PTPRN2: variants seen among roughly 807,000 people sequenced by gnomAD.
PTPRN2 encodes the protein protein tyrosine phosphatase receptor type N2.
Under a neutral mutation model 118.8 loss-of-function variants are expected in PTPRN2, and 74 were observed. The observed-to-expected ratio is 0.62, with a 90% CI of 0.52 to 0.76. PTPRN2 has a LOEUF of 0.76. Among genes scored for constraint, PTPRN2 ranks in the 30% least tolerant of loss-of-function variants. The probability of loss-of-function intolerance (pLI) is 0.00; values close to 1 mark genes in which losing one functional copy is unlikely to be tolerated. For missense variants in PTPRN2, 1,481 were observed against 1,394.4 expected (o/e 1.06, Z -0.99); for synonymous variants, 641 against 608.0 (o/e 1.05, Z -0.80).
At chr7:158,037,096 T>C (rs1012086644) in intron 11 of PTPRN2, among the ~76,000 whole-genome samples, 1 of 152,238 alleles carries the variant, frequency 6.6e-6, no homozygotes, top group African/African-American at 2.4e-5. Flanking sequence ...CAACCAATTA[T>C]ATAATATCTT....
chr7:158,089,200 G>T, intron 10 of PTPRN2, among the ~76,000 whole-genome samples: 1 of 26,082 alleles, frequency 3.8e-5, no homozygotes. Context: ...CTGAGGAAAG[G>T]GGGAGTCTTC....
chr7:158,140,209 G>A (rs1585583651), intron 6 of PTPRN2, among the ~76,000 whole-genome samples: 1 of 152,340 alleles, frequency 6.6e-6, no homozygotes, highest in Middle Eastern at 3.4e-3. Flanking sequence ...AGAGGCTAGA[G>A]GGAGCTGAAG....
intron 11 of PTPRN2, among the ~76,000 whole-genome samples, chr7:158,019,811 G>A (rs1037534032): frequency 7.2e-5 from 11 of 152,198 alleles, no homozygotes; most frequent in Non-Finnish European, 1.0e-4. Context: ...CCCTGTGCTC[G>A]GTCTTGAGGC....
intron 19 of PTPRN2, 102 bp downstream of exon 19, chr7:157,576,511 C>CGCG: frequency 8.0e-7 from 1 of 1,249,118 alleles, no homozygotes; most frequent in South Asian, 1.6e-5. Flanking sequence ...CCGACACAGA[C>CGCG]GCGGCCCTCG....
intron 11 of PTPRN2, among the ~76,000 whole-genome samples, chr7:157,912,977 G>A (rs1241434702): frequency 1.3e-5 from 2 of 152,142 alleles, no homozygotes; most frequent in East Asian, 1.9e-4. Context: ...GTTTGTAAAT[G>A]AATAGTTTTT....
intron 3 of PTPRN2, among the ~76,000 whole-genome samples, chr7:158,218,938 G>A (rs1238108851): frequency 6.6e-6 from 1 of 152,118 alleles, no homozygotes; most frequent in Admixed American, 6.5e-5. Context: ...CATAAAACAA[G>A]TTCTTAGAGA....
intron 11 of PTPRN2, among the ~76,000 whole-genome samples, chr7:157,902,815 G>T (rs969908165): frequency 6.6e-6 from 1 of 152,158 alleles, no homozygotes; most frequent in Admixed American, 6.5e-5. Flanking sequence ...CAACGGCACC[G>T]TCTCTGCTCT....
intron 19 of PTPRN2, among the ~76,000 whole-genome samples, chr7:157,571,704 T>C (rs1368058401): frequency 1.3e-5 from 2 of 152,198 alleles, no homozygotes; most frequent in Non-Finnish European, 2.9e-5. Flanking sequence ...AAAACCAATG[T>C]TACACCTCTA....
In PTPRN2 at chr7:157,861,336, C is replaced by T. The variant is rs1490491204; in HGVS notation, c.1788+37337G>A. 1.3e-5 allele frequency among the ~76,000 whole-genome samples: 2 copies of T among 152,270 alleles called. No individual in the cohort carries two copies. The highest frequency in any genetic ancestry group is 2.4e-5 in the African/African-American group (1 of 41,476). On this transcript the variant is annotated intron_variant, in intron 12 of 22. Transcript: ENST00000389418. This position sits in a 1 kb window ranked among gnomAD's most constrained non-coding sequence, Gnocchi z 5.8. ...TGGATTGCACCGGAAGCACCTCCGG[C>T]TGGAGCTCGGCCAAGGAGCCCGGGT... is the stretch of plus-strand genomic sequence containing the variant.
At chr7:158,413,224 C>T (rs1814349156) in intron 2 of PTPRN2, among the ~76,000 whole-genome samples, 1 of 152,186 alleles carries the variant, frequency 6.6e-6, no homozygotes, top group Admixed American at 6.5e-5. Context: ...CAAGAAAATC[C>T]ACAGCAAGAC....
At chr7:158,414,365 A>G (rs1814469459) in intron 2 of PTPRN2, among the ~76,000 whole-genome samples, 1 of 151,382 alleles carries the variant, frequency 6.6e-6, no homozygotes, top group South Asian at 2.1e-4. Flanking sequence ...GCCCCAAAGG[A>G]CGGATCCAGG....
At position 157,785,962 on chromosome 7, in the gene PTPRN2, C is replaced by T. The variant is rs1180300750; in HGVS notation, c.1789-103025G>A. ...GCCGGGTGGGGATGGCTGCAGGGAC[C>T]CCCTGGGCCGGCTCTGGGTGCTGCT... is the stretch of plus-strand genomic sequence containing the variant. On this transcript the variant is annotated intron_variant, in intron 12 of 22. Coordinates refer to ENST00000389418, the MANE Select transcript of PTPRN2 (RefSeq NM_002847.5). This position sits in a 1 kb window ranked among gnomAD's most constrained non-coding sequence, Gnocchi z 7.3. Among the ~76,000 whole-genome samples, 1 of 150,464 alleles carries T rather than the reference C, an allele frequency of 6.6e-6. No homozygotes were observed. The highest frequency in any genetic ancestry group is 2.1e-4 in the East Asian group (1 of 4,706).
chr7:158,165,067 C>T (rs1822809973), intron 6 of PTPRN2, among the ~76,000 whole-genome samples: 1 of 151,892 alleles, frequency 6.6e-6, no homozygotes, highest in South Asian at 2.1e-4. Flanking sequence ...AGTGAAGACC[C>T]CTGATAGCAT....
chr7:158,035,627 A>C (rs1808042984), intron 11 of PTPRN2, among the ~76,000 whole-genome samples: 1 of 152,262 alleles, frequency 6.6e-6, no homozygotes, highest in Admixed American at 6.5e-5. Context: ...GGCGGGCAGA[A>C]GAGCCTCTCT....
At chr7:158,192,297 C>A (rs201180942) in intron 5 of PTPRN2, 30 bp downstream of exon 5, 506 of 1,443,780 alleles carry the variant, frequency 3.5e-4, no homozygotes, top group Admixed American at 4.5e-4. Context: ...AAAAGCCAAC[C>A]CCGGCCCGGG....
chr7:158,389,106 G>A (rs1170545201), intron 2 of PTPRN2, among the ~76,000 whole-genome samples: 2 of 152,228 alleles, frequency 1.3e-5, no homozygotes, highest in Non-Finnish European at 2.9e-5. Context: ...CTCAAAGTCT[G>A]CGAAGAGAAG....
Position 158,474,786 on chromosome 7 carries a change from G to A in PTPRN2, c.163+14949C>T, listed in dbSNP as rs115098564. ...TGACCGTCTGACCACTGAGGGAGTC[G>A]GGAGTGGGGCTGCCCATGGCTTTGG... On this transcript the variant is annotated intron_variant, in intron 2 of 22. Transcript: ENST00000389418. 9.9e-3 allele frequency among the ~76,000 whole-genome samples: 1,500 copies of A among 151,902 alleles called. 25 individuals are homozygous for A. The highest frequency in any genetic ancestry group is 0.032 in the African/African-American group (1,311 of 41,558).
chr7:158,317,707 C>G lies in PTPRN2; in HGVS notation c.164-775G>C, dbSNP rs184876125. On this transcript the variant is annotated intron_variant, in intron 2 of 22. Coordinates refer to ENST00000389418, the MANE Select transcript of PTPRN2 (RefSeq NM_002847.5). Reference sequence around the variant, plus strand: ...TGCTTCCACACAGGGCGGCCATCTGCAGCTTCGGGCGGGGCGGAAGGGGAA... The same window carrying G: ...TGCTTCCACACAGGGCGGCCATCTGGAGCTTCGGGCGGGGCGGAAGGGGAA... Among the ~76,000 whole-genome samples, 860 of 152,320 alleles carry G rather than the reference C, an allele frequency of 5.6e-3. 29 individuals carry two copies. The highest frequency in any genetic ancestry group is 0.052 in the Admixed American group (794 of 15,302).
intron 2 of PTPRN2, among the ~76,000 whole-genome samples, chr7:158,419,408 T>TTGCAAGAATTCTGTCAC (rs1554497646): frequency 3.3e-5 from 5 of 151,440 alleles, no homozygotes; most frequent in African/African-American, 7.3e-5. Flanking sequence ...AATTCCATCA[T>TTGCAAGAATTCTGTCAC]TGCAAGAATT....
Sources: allele counts gnomAD v4.1 joint callset (sites outside exome capture counted in the v4.1 genomes callset), GRCh38; gene constraint gnomAD v4.1.1; non-coding constraint Gnocchi (gnomAD v3.1); transcripts MANE v1.5; gene names NCBI Gene and HGNC (gene_info 2026-07-23, HGNC 2026-07-21).